ERMP1: variants seen among roughly 807,000 people sequenced by gnomAD.
ERMP1 encodes Felix-ina.
Under a neutral mutation model 92.0 loss-of-function variants are expected in ERMP1, and 86 were observed. That is an observed-to-expected ratio of 0.93 (90% CI 0.79 to 1.12). The LOEUF is 1.12. Among genes scored for constraint, ERMP1 ranks in the 50% most tolerant of loss-of-function variants. The pLI is 0.00. For missense variants in ERMP1, 1,342 were observed against 1,116.3 expected, an observed-to-expected ratio of 1.20 and a Z score of -2.88; for synonymous variants, 530 against 412.8, an observed-to-expected ratio of 1.28 and a Z score of -3.44.
chr9:5,808,863 A>T (rs553960894), intron 8 of ERMP1, among the ~76,000 whole-genome samples: 1 of 152,156 alleles, frequency 6.6e-6, no homozygotes, highest in African/African-American at 2.4e-5. Flanking sequence ...TCAGCCACCC[A>T]GGTAGCTGGG....
rs560921915 is a variant in ERMP1 at position 5,790,983 on chromosome 9, G to A, written c.2387-3390C>T. Among the ~76,000 whole-genome samples the A allele has an allele frequency of 6.6e-5, 10 of 152,080 alleles. No individual in the cohort carries two copies. In the East Asian group the frequency reaches 1.5e-3, roughly 23 times the overall value. ...TTTACATTTCATTGTATGTAAATTA[G>A]GCCTTGAAAAAAATAAAGTAGGCAA... On this transcript the variant is annotated intron_variant, in intron 13 of 14. Transcript: ENST00000339450.
intron 1 of ERMP1, 108 bp from the exon 2 acceptor site, chr9:5,831,136 G>C (rs1402013792): frequency 3.8e-6 from 3 of 787,954 alleles, no homozygotes; most frequent in Non-Finnish European, 6.1e-6. Context: ...TTAGTTCTTT[G>C]CCTTATATAA....
Position 5,810,028 on chromosome 9 carries a change from T to A in ERMP1, c.1531A>T (p.Lys511Ter). Residue 511 changes from lysine to a stop codon, truncating the protein, a stop_gained, in exon 8 of 15, where the codon AAA becomes TAA. Coordinates refer to ENST00000339450, the MANE Select transcript of ERMP1 (RefSeq NM_024896.3). LOFTEE classifies it high-confidence loss of function. ...ACACTTACCATGTAATAAAATCTTTTCGCAAGAGTATGTATAAGTATTATT... is the reference window on the plus strand; with the variant it reads ...ACACTTACCATGTAATAAAATCTTTACGCAAGAGTATGTATAAGTATTATT... The part of the protein sequence containing the change: ...AKIILIHTLA[K>*]RFYYMNASAQ... 6.2e-7 allele frequency: 1 copy of A among 1,607,930 alleles called. No individual in the cohort carries two copies. Among genetic ancestry groups the A allele is most frequent in the Non-Finnish European group, 8.5e-7 (1 of 1,174,728 alleles).
At position 5,786,952 on chromosome 9, in the gene ERMP1, C is replaced by G; in HGVS notation, c.*192G>C. The G allele has an allele frequency of 2.1e-6, 1 of 483,582 alleles. No homozygotes were observed. Among genetic ancestry groups the G allele is most frequent in the East Asian group, 3.7e-5 (1 of 27,116 alleles). 30.0% of individuals were successfully genotyped at this position (483,582 alleles called of 1,614,324 possible). On this transcript the variant is annotated 3_prime_UTR_variant, in exon 15 of 15. Transcript: ENST00000339450. ...AAAGACTGGCATTTTCAAGTGTCAA[C>G]AGGCCATGCATCACTGCGCCACAGC...
chr9:5,814,426 T>C lies in ERMP1; in HGVS notation c.875-1391A>G, dbSNP rs1475264386. On this transcript the variant is annotated intron_variant, in intron 4 of 14. Coordinates refer to ENST00000339450, the MANE Select transcript of ERMP1 (RefSeq NM_024896.3). ...ATTGTTTTTTTAACTTCACAGATTA[T>C]AAAATTGCTTTCCTACATTTTAAAA... Among the ~76,000 whole-genome samples, 4 of 152,314 alleles carry C rather than the reference T, an allele frequency of 2.6e-5. No homozygotes were observed. In the East Asian group the frequency reaches 7.7e-4, roughly 29 times the overall value.
At chr9:5,798,724 G>A (rs1828547447) in intron 12 of ERMP1, 82 bp downstream of exon 12, 2 of 816,978 alleles carry the variant, frequency 2.4e-6, no homozygotes, top group Non-Finnish European at 4.0e-6. Context: ...ATTAAAGGAT[G>A]GCAGTTTAAA....
intron 5 of ERMP1, among the ~76,000 whole-genome samples, chr9:5,865,918 G>C (rs999953144): frequency 6.7e-6 from 1 of 150,362 alleles, no homozygotes; most frequent in Non-Finnish European, 1.5e-5. Context: ...AGAAAATACA[G>C]CTAAAAGTTA....
intron 5 of ERMP1, among the ~76,000 whole-genome samples, chr9:5,866,861 G>A (rs1287935825): frequency 6.6e-6 from 1 of 152,118 alleles, no homozygotes; most frequent in African/African-American, 2.4e-5. Flanking sequence ...AGTTACACAA[G>A]CTCCCTGAGC....
chr9:5,817,859 A>G (rs1252038321), intron 4 of ERMP1, among the ~76,000 whole-genome samples: 1 of 152,166 alleles, frequency 6.6e-6, no homozygotes, highest in Non-Finnish European at 1.5e-5. Flanking sequence ...CAAAAGGAAA[A>G]AAAAAAAGGA....
At position 5,799,810 on chromosome 9, in the gene ERMP1, A is replaced by T. The variant is rs144238079; in HGVS notation, c.2068-802T>A. ...CAGAAAATGACTTTTTAAAAATAAA[A>T]ATCCTGCTTTTCCTAAGTATTACTG... On this transcript the variant is annotated intron_variant, in intron 11 of 14. Coordinates refer to ENST00000339450, the MANE Select transcript of ERMP1 (RefSeq NM_024896.3). Among the ~76,000 whole-genome samples the T allele has an allele frequency of 1.0e-3, 158 of 152,352 alleles. 1 individual carries two copies. The highest frequency in any genetic ancestry group is 3.7e-3 in the African/African-American group (155 of 41,574).
In ERMP1 at chr9:5,823,517, G is replaced by A. The variant is rs181587129; in HGVS notation, c.874+379C>T. Among the ~76,000 whole-genome samples, 8 of 152,116 alleles carry A rather than the reference G, an allele frequency of 5.3e-5. No homozygotes were observed. The South Asian group carries it at 6.2e-4, about 12-fold the overall frequency. On this transcript the variant is annotated intron_variant, in intron 4 of 14. Coordinates refer to ENST00000339450, the MANE Select transcript of ERMP1 (RefSeq NM_024896.3). Reference sequence around the variant, plus strand: ...GGTTAAGAACAAAGTTTCTGGACCCGGACTGTCTAGGTTCAAATCACACTC... The same window carrying A: ...GGTTAAGAACAAAGTTTCTGGACCCAGACTGTCTAGGTTCAAATCACACTC...
At chr9:5,815,742 T>C (rs535054489) in intron 4 of ERMP1, among the ~76,000 whole-genome samples, 3 of 151,846 alleles carry the variant, frequency 2.0e-5, no homozygotes, top group African/African-American at 4.8e-5. Context: ...AAGAAAGAAA[T>C]AGTAGAAAAA....
chr9:5,832,838 C>T lies in ERMP1; in HGVS notation c.190G>A (p.Ala64Thr), dbSNP rs902016612. 6.0e-6 allele frequency: 9 copies of T among 1,501,732 alleles called. No homozygotes were observed. Among genetic ancestry groups the T allele is most frequent in the Non-Finnish European group, 7.9e-6 (9 of 1,133,616 alleles). The allele number at this position is 1,501,732 out of a possible 1,614,324, so 93.0% of individuals were successfully genotyped here. The change falls in exon 1 of 15, where the codon GCG becomes ACG. Residue 64 changes from alanine (A) to threonine (T), a missense_variant. Physicochemically the swap from Ala to Thr is moderately conservative, Grantham distance 58 (BLOSUM62 0). Transcript: ENST00000339450. ...CGCACCTCAGACAGCCCGGTCCCCG[C>T]GCCCCTGCTCGCGCCGCCGCTACCC... ...PGGSGGASRG[A>T]GTGLSEVRAA... is the part of the protein sequence containing the mutation.
intron 4 of ERMP1, 98 bp downstream of exon 4, chr9:5,823,798 A>T: frequency 1.2e-6 from 1 of 837,546 alleles, no homozygotes; most frequent in South Asian, 1.7e-5. Context: ...TGCTCATTCA[A>T]GAGACTGTTT....
At chr9:5,801,399 C>T (rs966950734) in intron 10 of ERMP1, 71 bp from the exon 11 acceptor site, 3 of 1,497,410 alleles carry the variant, frequency 2.0e-6, no homozygotes, top group Non-Finnish European at 2.7e-6. Flanking sequence ...TTTTAACTAA[C>T]TTTATTTTTA....
intron 6 of ERMP1, among the ~76,000 whole-genome samples, chr9:5,853,337 A>T (rs1830332639): frequency 6.6e-6 from 1 of 152,164 alleles, no homozygotes; most frequent in Non-Finnish European, 1.5e-5. Context: ...CAAAATAATC[A>T]TATGCCAAGG....
intron 6 of ERMP1, among the ~76,000 whole-genome samples, chr9:5,840,167 G>A (rs1230186899): frequency 1.3e-5 from 2 of 152,124 alleles, no homozygotes; most frequent in Non-Finnish European, 2.9e-5. Flanking sequence ...ACTCGAACCT[G>A]GGAAGCTGAG....
Position 5,817,371 on chromosome 9 carries a change from G to C in ERMP1, c.875-4336C>G, listed in dbSNP as rs185550126. Among the ~76,000 whole-genome samples, 19 of 151,906 alleles carry C rather than the reference G, an allele frequency of 1.3e-4. No individual in the cohort carries two copies. The East Asian group carries it at 2.5e-3, about 20-fold the overall frequency. On this transcript the variant is annotated intron_variant, in intron 4 of 14. Transcript: ENST00000339450. The stretch of plus-strand genomic sequence containing the variant: ...TGCCTGGCTAATTTTTGTACTTTTA[G>C]TAGAGACAGGGTTTCACAATGTTGG...
intron 7 of ERMP1, 129 bp from the exon 8 acceptor site, chr9:5,810,360 G>A: frequency 1.6e-6 from 1 of 642,074 alleles, no homozygotes; most frequent in Non-Finnish European, 2.7e-6. Flanking sequence ...GTATGAAAAT[G>A]TCCTAGTGTT....
Sources: allele counts gnomAD v4.1 joint callset (sites outside exome capture counted in the v4.1 genomes callset), GRCh38; gene constraint gnomAD v4.1.1; transcripts MANE v1.5; gene names NCBI Gene and HGNC (gene_info 2026-07-23, HGNC 2026-07-21).